GKAP1: variants seen among roughly 807,000 people sequenced by gnomAD.
The protein encoded by GKAP1 is G kinase-anchoring protein 1.
Under a neutral mutation model 56.7 loss-of-function variants are expected in GKAP1, and 31 were observed. The ratio of observed to expected loss-of-function variants is 0.55; its 90% CI spans 0.41 to 0.74. The LOEUF (loss-of-function observed/expected upper bound fraction) is 0.74. GKAP1 is among the 30% of genes least tolerant of loss of function. The pLI, the probability that GKAP1 is intolerant of heterozygous loss-of-function variation, is 0.00. For missense variants in GKAP1, 364 were observed against 402.3 expected (o/e 0.90, Z 0.82); for synonymous variants, 151 against 138.6 (o/e 1.09, Z -0.63).
chr9:83,752,602 G>A (rs1943409514), intron 9 of GKAP1, among the ~76,000 whole-genome samples: 1 of 152,082 alleles, frequency 6.6e-6, no homozygotes, highest in African/African-American at 2.4e-5. Context: ...TTCTGCCTGG[G>A]ATGATGAAAA....
chr9:83,784,870 A>C, intron 5 of GKAP1, 32 bp from the exon 6 acceptor site: 3 of 1,480,880 alleles, frequency 2.0e-6, no homozygotes, highest in East Asian at 4.7e-5. Flanking sequence ...AATTAAGTTC[A>C]GTTTACAAAC....
At chr9:83,794,831 G>A (rs192568405) in intron 4 of GKAP1, among the ~76,000 whole-genome samples, 8 of 152,302 alleles carry the variant, frequency 5.3e-5, no homozygotes, top group Admixed American at 4.6e-4. Context: ...TGAACAATAT[G>A]TTTCTTGATC....
At chr9:83,793,352 T>C (rs1944194028) in intron 4 of GKAP1, among the ~76,000 whole-genome samples, 1 of 152,176 alleles carries the variant, frequency 6.6e-6, no homozygotes, top group Non-Finnish European at 1.5e-5. Flanking sequence ...CCTAACCCAT[T>C]AGATTTTCAA....
intron 9 of GKAP1, chr9:83,749,290 G>C (rs959907165): frequency 1.4e-5 from 2 of 148,106 alleles, no homozygotes; most frequent in Admixed American, 1.4e-4. Flanking sequence ...GCAGTAGCAC[G>C]ATCTCGGCTT....
chr9:83,744,310 CA>C (rs1253060567), intron 10 of GKAP1, among the ~76,000 whole-genome samples: 1 of 152,190 alleles, frequency 6.6e-6, no homozygotes, highest in African/African-American at 2.4e-5. Flanking sequence ...CACAAATTTT[CA>C]ATACACTTAT....
intron 5 of GKAP1, among the ~76,000 whole-genome samples, chr9:83,785,234 C>G (rs2131294343): frequency 6.6e-6 from 1 of 152,164 alleles, no homozygotes; most frequent in South Asian, 2.1e-4. Context: ...TTTTTTCAAG[C>G]ATCTCTTGGT....
At chr9:83,802,650 G>C (rs562901984) in intron 3 of GKAP1, among the ~76,000 whole-genome samples, 2 of 151,970 alleles carry the variant, frequency 1.3e-5, no homozygotes, top group South Asian at 4.2e-4. Flanking sequence ...GCAATGTACT[G>C]TGACCCTGTC....
At chr9:83,759,431 T>A (rs1387616085) in intron 8 of GKAP1, among the ~76,000 whole-genome samples, 1 of 152,104 alleles carries the variant, frequency 6.6e-6, no homozygotes, top group South Asian at 2.1e-4. Context: ...TGGATAATTT[T>A]TTTTTTGCAG....
intron 7 of GKAP1, among the ~76,000 whole-genome samples, chr9:83,775,645 G>A (rs1156336436): frequency 6.6e-6 from 1 of 151,938 alleles, no homozygotes; most frequent in Non-Finnish European, 1.5e-5. Context: ...GGAGGCCAAG[G>A]CCGGTAGATC....
intron 3 of GKAP1, among the ~76,000 whole-genome samples, chr9:83,805,652 T>C (rs1587741288): frequency 6.6e-6 from 1 of 152,118 alleles, no homozygotes; most frequent in East Asian, 1.9e-4. Context: ...GATATATACA[T>C]ACATGTATAT....
rs1177553703 is a variant in GKAP1 at position 83,784,815 on chromosome 9, A to G, written c.462T>C (p.Thr154=). ...TATTCATAACTTTGGACTGAGTTGA[A>G]GTATTTTCAGCATCTTCATACTCCT... is the stretch of plus-strand genomic sequence containing the variant. The part of the protein sequence containing the change: ...HKKEYEDAEN[T]STQSKVMNKK... The change falls in exon 6 of 13, where the codon ACT becomes ACC. Residue 154 remains threonine, a synonymous_variant. Transcript: ENST00000376371. 1.3e-6 allele frequency: 2 copies of G among 1,589,136 alleles called. No individual in the cohort carries two copies. The highest frequency in any genetic ancestry group is 1.7e-6 in the Non-Finnish European group (2 of 1,165,870).
chr9:83,815,632 C>T (rs1944572643), intron 2 of GKAP1, among the ~76,000 whole-genome samples: 1 of 151,662 alleles, frequency 6.6e-6, no homozygotes, highest in African/African-American at 2.4e-5. Context: ...TCAAGAACAA[C>T]CAAATATATT....
intron 8 of GKAP1, among the ~76,000 whole-genome samples, chr9:83,755,663 A>G (rs952266279): frequency 4.6e-5 from 7 of 152,132 alleles, no homozygotes; most frequent in African/African-American, 1.4e-4. Context: ...ATCTCAAAAA[A>G]AAACCACTGT....
chr9:83,741,358 T>A (rs954968005), intron 12 of GKAP1, among the ~76,000 whole-genome samples: 43 of 147,710 alleles, frequency 2.9e-4, no homozygotes, highest in African/African-American at 1.1e-3. Flanking sequence ...TAAATATATC[T>A]CTCACACACA....
chr9:83,813,376 T>C (rs540675986), intron 2 of GKAP1, among the ~76,000 whole-genome samples: 1 of 152,236 alleles, frequency 6.6e-6, no homozygotes, highest in Non-Finnish European at 1.5e-5. Flanking sequence ...ATTAAACTAC[T>C]ACACAAATCA....
chr9:83,809,826 G>C (rs1349483964), intron 2 of GKAP1, among the ~76,000 whole-genome samples: 1 of 152,098 alleles, frequency 6.6e-6, no homozygotes, highest in African/African-American at 2.4e-5. Context: ...GTTTATTTTT[G>C]AGACAGGGTC....
At chr9:83,754,937 G>A (rs1323403099) in intron 8 of GKAP1, among the ~76,000 whole-genome samples, 1 of 152,204 alleles carries the variant, frequency 6.6e-6, no homozygotes. Context: ...GGTCAAATAA[G>A]ATTATGCTTT....
intron 3 of GKAP1, among the ~76,000 whole-genome samples, chr9:83,800,631 C>T (rs1475054416): frequency 2.0e-5 from 3 of 152,042 alleles, no homozygotes; most frequent in South Asian, 2.1e-4. Context: ...CCACCGCGCC[C>T]GGCCCCCACT....
At chr9:83,804,738 C>G (rs866400384) in intron 3 of GKAP1, among the ~76,000 whole-genome samples, 27 of 149,938 alleles carry the variant, frequency 1.8e-4, no homozygotes, top group Middle Eastern at 3.5e-3. Flanking sequence ...AGCCCCCCGC[C>G]GGGCCAGCCA....
Sources: gnomAD v4.1 joint callset for allele counts (sites outside exome capture counted in the v4.1 genomes callset) on GRCh38, gnomAD v4.1.1 for gene constraint, MANE v1.5 for transcripts, NCBI Gene and HGNC (gene_info 2026-07-23, HGNC 2026-07-21) for gene names.